Variants in RARB observed in about 807,000 individuals in gnomAD.
RARB encodes the protein retinoic acid receptor beta, also known as HBV-activated protein.
A neutral mutation model predicts 51.9 loss-of-function variants in RARB; 17 were observed. The ratio of observed to expected loss-of-function variants is 0.33; its 90% CI spans 0.22 to 0.49. RARB has a LOEUF of 0.49. Ranked by LOEUF, RARB falls within the 20% of genes least tolerant of loss-of-function variation. The pLI, the probability that RARB is intolerant of heterozygous loss-of-function variation, is 0.99. For synonymous variants in RARB, 215 were observed against 195.4 expected (o/e 1.10, Z -0.84); for missense variants, 369 against 550.8 (o/e 0.67, Z 3.30).
intron 3 of RARB, among the ~76,000 whole-genome samples, chr3:25,519,445 T>C (rs756908213): frequency 5.9e-5 from 9 of 152,230 alleles, no homozygotes; most frequent in Non-Finnish European, 1.2e-4. Flanking sequence ...TTCAGTCTTT[T>C]AATTTCAGAG....
intron 2 of RARB, among the ~76,000 whole-genome samples, chr3:24,917,894 G>A (rs909929204): frequency 1.3e-5 from 2 of 152,204 alleles, no homozygotes; most frequent in Non-Finnish European, 2.9e-5. Context: ...TAAGTAAAGA[G>A]ACAAAGTAAG....
chr3:25,361,669 G>C (rs1159988278), intron 5 of RARB, among the ~76,000 whole-genome samples: 1 of 152,034 alleles, frequency 6.6e-6, no homozygotes. Flanking sequence ...TTTTTGCGTG[G>C]TCATCCTTTT....
chr3:25,171,543 A>G (rs974248934), intron 4 of RARB, among the ~76,000 whole-genome samples: 2 of 136,652 alleles, frequency 1.5e-5, no homozygotes, highest in Admixed American at 1.6e-4. Flanking sequence ...TCTCAACCAG[A>G]CAGGCAAGAT....
intron 2 of RARB, among the ~76,000 whole-genome samples, chr3:25,493,364 A>T (rs574574632): frequency 1.2e-3 from 183 of 152,234 alleles, no homozygotes; most frequent in African/African-American, 4.3e-3. Context: ...GTTTAAGGCA[A>T]CGTGTTTCCT....
chr3:25,255,798 G>C (rs1662676926), intron 5 of RARB, among the ~76,000 whole-genome samples: 1 of 152,002 alleles, frequency 6.6e-6, no homozygotes, highest in Non-Finnish European at 1.5e-5. Context: ...GAAAACAATA[G>C]TTTTAAAAAA....
intron 5 of RARB, among the ~76,000 whole-genome samples, chr3:25,181,504 G>A (rs1003171783): frequency 2.0e-5 from 3 of 152,144 alleles, no homozygotes; most frequent in Non-Finnish European, 4.4e-5. Context: ...CTCATTGGGA[G>A]CGCTGTAGAG....
intron 3 of RARB, among the ~76,000 whole-genome samples, chr3:25,099,629 A>G (rs900739059): frequency 6.6e-6 from 1 of 152,026 alleles, no homozygotes; most frequent in African/African-American, 2.4e-5. Flanking sequence ...AAAAAAAAAA[A>G]AAAAAACTTT....
chr3:25,350,028 G>A (rs998188885), intron 5 of RARB, among the ~76,000 whole-genome samples: 2 of 152,148 alleles, frequency 1.3e-5, no homozygotes, highest in Non-Finnish European at 2.9e-5. Context: ...CTCACAGCAG[G>A]TTGGTCTCGG....
chr3:25,185,243 A>T (rs1420638104), intron 5 of RARB, among the ~76,000 whole-genome samples: 1 of 152,172 alleles, frequency 6.6e-6, no homozygotes, highest in Non-Finnish European at 1.5e-5. Flanking sequence ...CCTGATGAAT[A>T]ATTTTGTATT....
chr3:24,861,849 CT>C (rs1226672546), intron 2 of RARB, among the ~76,000 whole-genome samples: 1 of 152,178 alleles, frequency 6.6e-6, no homozygotes, highest in African/African-American at 2.4e-5. Flanking sequence ...GTAGCTTTGA[CT>C]TGTTGGATGC....
At chr3:25,361,609 T>C (rs1705935939) in intron 5 of RARB, among the ~76,000 whole-genome samples, 1 of 152,248 alleles carries the variant, frequency 6.6e-6, no homozygotes, top group Non-Finnish European at 1.5e-5. Context: ...TTTCCTCATC[T>C]TCATGGATTT....
intron 4 of RARB, among the ~76,000 whole-genome samples, chr3:25,138,220 T>G (rs1700060257): frequency 6.6e-6 from 1 of 152,128 alleles, no homozygotes; most frequent in African/African-American, 2.4e-5. Context: ...ATAGTCAAAT[T>G]ACCACTGTAC....
chr3:25,458,380 T>C (rs899564549), intron 1 of RARB: 3 of 152,226 alleles, frequency 2.0e-5, no homozygotes, highest in African/African-American at 7.2e-5. Flanking sequence ...TTTCTCTGAG[T>C]GAAAAGATTG....
At chr3:25,419,006 G>A (rs187821256) in intron 5 of RARB, among the ~76,000 whole-genome samples, 250 of 150,540 alleles carry the variant, frequency 1.7e-3, no homozygotes, top group African/African-American at 5.1e-3. Flanking sequence ...ACAAGAGCCC[G>A]TAGAAATGAA....
At chr3:25,058,878 T>C (rs970238001) in intron 2 of RARB, among the ~76,000 whole-genome samples, 2 of 151,708 alleles carry the variant, frequency 1.3e-5, no homozygotes, top group African/African-American at 4.8e-5. Flanking sequence ...TATTTGTAAT[T>C]TATAGCTCCT....
chr3:25,300,357 T>A (rs1034916690), intron 5 of RARB, among the ~76,000 whole-genome samples: 3 of 152,248 alleles, frequency 2.0e-5, no homozygotes, highest in African/African-American at 7.2e-5. Flanking sequence ...GAACAATAGT[T>A]TTTCACAATG....
At chr3:25,449,845 G>A (rs1299692549) in intron 1 of RARB, among the ~76,000 whole-genome samples, 2 of 151,718 alleles carry the variant, frequency 1.3e-5, no homozygotes, top group African/African-American at 2.4e-5. Context: ...TCCACCTCCT[G>A]GGTTCAAGCA....
chr3:25,046,895 A>C (rs2125297649), intron 2 of RARB, among the ~76,000 whole-genome samples: 1 of 152,316 alleles, frequency 6.6e-6, no homozygotes, highest in Non-Finnish European at 1.5e-5. Flanking sequence ...CTAATTTTTT[A>C]AGAGATGTGC....
chr3:24,903,463 T>A (rs1703648491), intron 2 of RARB, among the ~76,000 whole-genome samples: 2 of 152,320 alleles, frequency 1.3e-5, no homozygotes, highest in Admixed American at 1.3e-4. Flanking sequence ...ATATTTGTAA[T>A]CACAATATAT....
Sources: gnomAD v4.1 joint callset for allele counts (sites outside exome capture counted in the v4.1 genomes callset) on GRCh38, gnomAD v4.1.1 for gene constraint, MANE v1.5 for transcripts, NCBI Gene and HGNC (gene_info 2026-07-23, HGNC 2026-07-21) for gene names.